Variants in NALF1 observed in about 807,000 individuals in gnomAD.
NALF1 encodes the protein family with sequence similarity 155 member A.
A neutral mutation model predicts 48.4 loss-of-function variants in NALF1; 3 were observed. That is an observed-to-expected ratio of 0.06 (90% CI 0.03 to 0.16). The LOEUF (loss-of-function observed/expected upper bound fraction) is 0.16, where lower values mean the gene tolerates loss of function less well. Among genes scored for constraint, NALF1 ranks in the 10% least tolerant of loss-of-function variants. The pLI is 1.00. For synonymous variants in NALF1, 262 were observed against 245.7 expected, an observed-to-expected ratio of 1.07 and a Z score of -0.62; for missense variants, 526 against 571.5, an observed-to-expected ratio of 0.92 and a Z score of 0.81.
rs151270884 is a variant in NALF1 at position 107,554,466 on chromosome 13, G to A, written c.915+311216C>T. Among the ~76,000 whole-genome samples, 69 of 152,210 alleles carry A rather than the reference G, an allele frequency of 4.5e-4. No homozygotes were observed. The East Asian group carries it at 0.012, about 25-fold the overall frequency. On this transcript the variant is annotated intron_variant, in intron 1 of 2. Coordinates refer to ENST00000375915, the MANE Select transcript of NALF1 (RefSeq NM_001080396.3). The stretch of plus-strand genomic sequence containing the variant: ...AGTTCTGCACAAAACACAGGGTGCC[G>A]CTGGCCAAGGAAAGACCCAGGCCAG...
chr13:107,752,332 A>C (rs941233928), intron 1 of NALF1, among the ~76,000 whole-genome samples: 1 of 152,070 alleles, frequency 6.6e-6, no homozygotes, highest in African/African-American at 2.4e-5. Context: ...TCCTTTTTGA[A>C]ATTTTAAACT....
intron 1 of NALF1, among the ~76,000 whole-genome samples, chr13:107,855,907 C>T (rs1376836311): frequency 2.0e-5 from 3 of 150,600 alleles, no homozygotes; most frequent in South Asian, 2.1e-4. Flanking sequence ...TCCCTAAGAG[C>T]GAGAATTTTT....
At chr13:107,502,607 C>T (rs1450162476) in intron 1 of NALF1, among the ~76,000 whole-genome samples, 1 of 152,148 alleles carries the variant, frequency 6.6e-6, no homozygotes, top group Non-Finnish European at 1.5e-5. Flanking sequence ...GGATGCATCC[C>T]TACCTTTGAA....
intron 1 of NALF1, chr13:107,466,339 C>T: frequency 6.6e-6 from 1 of 152,236 alleles, no homozygotes; most frequent in East Asian, 1.9e-4. Flanking sequence ...TATTGCATAT[C>T]AGTGATTAGA....
intron 1 of NALF1, among the ~76,000 whole-genome samples, chr13:107,417,740 C>G (rs901272929): frequency 6.6e-6 from 1 of 152,148 alleles, no homozygotes; most frequent in Non-Finnish European, 1.5e-5. Context: ...TGGCCTCTGG[C>G]TCTTTTCCTT....
rs191763567 is a variant in NALF1, at chr13:107,760,773, G to C, written c.915+104909C>G. Reference sequence around the variant, plus strand: ...CAGGATGTGTTTTCCTCTGAAATTTGTGCTCTTCCTTCTTCTATAGCTCCT... The same window carrying C: ...CAGGATGTGTTTTCCTCTGAAATTTCTGCTCTTCCTTCTTCTATAGCTCCT... On this transcript the variant is annotated intron_variant, in intron 1 of 2. Coordinates refer to ENST00000375915, the MANE Select transcript of NALF1 (RefSeq NM_001080396.3). Among the ~76,000 whole-genome samples, 11 of 152,264 alleles carry C rather than the reference G, an allele frequency of 7.2e-5. 1 individual carries two copies. In the East Asian group the frequency reaches 1.9e-3, roughly 27 times the overall value.
chr13:107,673,810 T>C (rs1359469832), intron 1 of NALF1, among the ~76,000 whole-genome samples: 1 of 152,054 alleles, frequency 6.6e-6, no homozygotes, highest in African/African-American at 2.4e-5. Flanking sequence ...TTACTATGTG[T>C]CAAAAATTAA....
intron 2 of NALF1, among the ~76,000 whole-genome samples, chr13:107,188,513 T>C (rs1284646496): frequency 6.6e-6 from 1 of 152,146 alleles, no homozygotes; most frequent in Non-Finnish European, 1.5e-5. Flanking sequence ...TTTTATCATA[T>C]CTTTTTAAAG....
intron 1 of NALF1, among the ~76,000 whole-genome samples, chr13:107,847,044 A>G (rs1880189802): frequency 6.6e-6 from 1 of 152,040 alleles, no homozygotes; most frequent in South Asian, 2.1e-4. Flanking sequence ...TTCTTAAATT[A>G]AAAAAAATTA....
chr13:107,731,470 G>C (rs1039740322), intron 1 of NALF1, among the ~76,000 whole-genome samples: 1 of 151,918 alleles, frequency 6.6e-6, no homozygotes, highest in Admixed American at 6.6e-5. Context: ...GTATCAGAGG[G>C]GTTTGTTTTA....
rs745533851 is a variant in NALF1, at chr13:107,866,317, GCTGCTGCTGCTGCCGCTGCCT to G, written c.259_279del (p.Arg87_Gln93del). ...GAGGGCTCCTGCTGCCGCCGCTGCT[GCTGCTGCTGCTGCCGCTGCCT>G]CTGCTGCTGCTGCTGCTGCTGCTGC... On this transcript the variant is annotated inframe_deletion, in exon 1 of 3. Transcript: ENST00000375915. This position sits in a 1 kb window ranked among gnomAD's most constrained non-coding sequence, Gnocchi z 4.4. 4.4e-6 allele frequency: 7 copies of G among 1,608,346 alleles called. No individual in the cohort carries two copies. The South Asian group carries it at 5.5e-5, about 13-fold the overall frequency.
intron 1 of NALF1, among the ~76,000 whole-genome samples, chr13:107,837,893 G>T (rs1216067096): frequency 1.3e-5 from 2 of 151,598 alleles, no homozygotes; most frequent in African/African-American, 4.8e-5. Flanking sequence ...ACTTACAAGG[G>T]ATCCTCCATC....
Position 107,231,387 on chromosome 13 carries a change from G to A in NALF1, c.916-20632C>T, listed in dbSNP as rs143425777. On this transcript the variant is annotated intron_variant, in intron 1 of 2. Transcript: ENST00000375915. ...TTATATAGGTATAATTTATTGGACA[G>A]TGGAGCCTTCAGATCGTGGTTCTCT... Among the ~76,000 whole-genome samples, 790 of 152,258 alleles carry A rather than the reference G, an allele frequency of 5.2e-3. 5 individuals are homozygous for A. Among genetic ancestry groups the A allele is most frequent in the African/African-American group, 0.018 (727 of 41,530 alleles).
At chr13:107,198,658 G>C (rs1408017178) in intron 2 of NALF1, among the ~76,000 whole-genome samples, 4 of 152,120 alleles carry the variant, frequency 2.6e-5, no homozygotes, top group Non-Finnish European at 4.4e-5. Context: ...CTCTGCTAGG[G>C]GAGTCATCAC....
At chr13:107,197,013 G>A (rs769913460) in intron 2 of NALF1, among the ~76,000 whole-genome samples, 1 of 152,112 alleles carries the variant, frequency 6.6e-6, no homozygotes, top group Non-Finnish European at 1.5e-5. Context: ...GCCTTTGGAA[G>A]GGACTTAAGA....
chr13:107,561,329 CTTG>C (rs1249773081), intron 1 of NALF1, among the ~76,000 whole-genome samples: 1 of 152,132 alleles, frequency 6.6e-6, no homozygotes, highest in Non-Finnish European at 1.5e-5. Flanking sequence ...CTCAGCTTTA[CTTG>C]TTTTTTCCTG....
At chr13:107,791,053 T>G (rs910284619) in intron 1 of NALF1, among the ~76,000 whole-genome samples, 1 of 152,294 alleles carries the variant, frequency 6.6e-6, no homozygotes, top group Admixed American at 6.5e-5. Context: ...TTAAAAAGGT[T>G]GTAAAGGTGG....
At chr13:107,622,385 G>A (rs569696367) in intron 1 of NALF1, among the ~76,000 whole-genome samples, 2 of 151,644 alleles carry the variant, frequency 1.3e-5, no homozygotes, top group East Asian at 3.9e-4. Context: ...AGGTTGCAGT[G>A]AGCCGAGATC....
intron 1 of NALF1, among the ~76,000 whole-genome samples, chr13:107,602,589 C>T (rs957812160): frequency 3.9e-5 from 6 of 152,168 alleles, no homozygotes; most frequent in African/African-American, 1.4e-4. Flanking sequence ...TTAATATTTT[C>T]CTATTTTCCT....
Sources: gnomAD v4.1 joint callset for allele counts (sites outside exome capture counted in the v4.1 genomes callset) on GRCh38, gnomAD v4.1.1 for gene constraint, Gnocchi (gnomAD v3.1) non-coding constraint, MANE v1.5 for transcripts, NCBI Gene and HGNC (gene_info 2026-07-23, HGNC 2026-07-21) for gene names.